Variants in TYW1B observed in about 807,000 individuals in gnomAD.
TYW1B encodes S-adenosyl-L-methionine-dependent tRNA 4-demethylwyosine synthase TYW1B.
TYW1B carries 73 observed loss-of-function variants against 86.9 expected under a neutral mutation model. The ratio of observed to expected loss-of-function variants is 0.84; its 90% CI spans 0.70 to 1.02. The LOEUF (loss-of-function observed/expected upper bound fraction) is 1.02. TYW1B is among the 50% of genes least tolerant of loss of function. The pLI, the probability that TYW1B is intolerant of heterozygous loss-of-function variation, is 0.00. For missense variants in TYW1B, 637 were observed against 827.4 expected, an observed-to-expected ratio of 0.77 and a Z score of 2.82; for synonymous variants, 248 against 292.8, an observed-to-expected ratio of 0.85 and a Z score of 1.56.
intron 6 of TYW1B, 66 bp from the exon 7 acceptor site, chr7:72,777,599 T>C (rs561636091): frequency 7.0e-6 from 11 of 1,578,392 alleles, no homozygotes; most frequent in Middle Eastern, 1.7e-4. Context: ...AGCACAATCA[T>C]GAACACCTAG....
intron 5 of TYW1B, among the ~76,000 whole-genome samples, chr7:72,805,057 A>C (rs1188877358): frequency 6.6e-6 from 1 of 151,936 alleles, no homozygotes; most frequent in Admixed American, 6.6e-5. Flanking sequence ...TATCTTGAAC[A>C]CTGCATATAC....
chr7:72,639,197 T>C (rs1463876457), intron 11 of TYW1B, among the ~76,000 whole-genome samples: 10 of 151,982 alleles, frequency 6.6e-5, no homozygotes, highest in Non-Finnish European at 1.5e-5. Context: ...TTAAAATGCA[T>C]TGTTAATTGT....
chr7:72,713,798 C>A lies in TYW1B; in HGVS notation c.1193G>T (p.Gly398Val), dbSNP rs146095374. 75,913 of 1,573,552 alleles carry A rather than the reference C, an allele frequency of 0.048. 4,510 individuals are homozygous for A. Among genetic ancestry groups the A allele is most frequent in the East Asian group, 0.33 (14,389 of 44,092 alleles). Residue 398 changes from glycine (G) to valine (V), a missense_variant and splice_region_variant, in exon 10 of 14, where the codon GGA (glycine) becomes GTA (valine). Physicochemically the swap from Gly to Val is moderately radical, Grantham distance 109. Transcript: ENST00000620995. ...NHQNMIKQFK[G>V]VPGVKAERFE... ...GCGTTCTGCTTTGACGCCCGGTACT[C>A]CTGGAGAATACAGTGAGAAGGACCC... is the stretch of plus-strand genomic sequence containing the variant.
At chr7:72,767,793 G>A (rs759116556) in intron 7 of TYW1B, among the ~76,000 whole-genome samples, 9 of 152,024 alleles carry the variant, frequency 5.9e-5, no homozygotes, top group Non-Finnish European at 8.8e-5. Context: ...CTTCTAGAGA[G>A]CCCCTCTCTG....
chr7:72,666,245 C>A (rs1813458213), intron 11 of TYW1B, among the ~76,000 whole-genome samples: 1 of 151,826 alleles, frequency 6.6e-6, no homozygotes, highest in South Asian at 2.1e-4. Context: ...AAAACTCTGT[C>A]TCTAAAAAAA....
intron 10 of TYW1B, among the ~76,000 whole-genome samples, chr7:72,699,554 G>C (rs1311621896): frequency 6.6e-6 from 1 of 152,080 alleles, no homozygotes; most frequent in Non-Finnish European, 1.5e-5. Flanking sequence ...AATCCAAAAA[G>C]CTCTAATAAC....
At chr7:72,669,806 C>T (rs1300670705) in intron 11 of TYW1B, among the ~76,000 whole-genome samples, 2 of 151,556 alleles carry the variant, frequency 1.3e-5, no homozygotes, top group Non-Finnish European at 2.9e-5. Context: ...ACAATAATAA[C>T]AGCACTGGCT....
chr7:72,616,294 C>T (rs1446604086), intron 13 of TYW1B, among the ~76,000 whole-genome samples: 21 of 152,174 alleles, frequency 1.4e-4, no homozygotes, highest in African/African-American at 4.8e-4. Context: ...TTGATAGATA[C>T]CTCAATATTG....
At chr7:72,817,730 A>C (rs1448970425) in intron 2 of TYW1B, among the ~76,000 whole-genome samples, 1 of 152,168 alleles carries the variant, frequency 6.6e-6, no homozygotes, top group African/African-American at 2.4e-5. Flanking sequence ...GGCAGGCTTG[A>C]GCAAGTGGCT....
intron 12 of TYW1B, among the ~76,000 whole-genome samples, chr7:72,617,173 T>C (rs1329018947): frequency 6.6e-6 from 1 of 152,218 alleles, no homozygotes; most frequent in Non-Finnish European, 1.5e-5. Context: ...CTGTGCACTA[T>C]AATTGAGGAA....
rs145637689 is a variant in TYW1B at position 72,679,957 on chromosome 7, G to A, written c.1506+14730C>T. On this transcript the variant is annotated intron_variant, in intron 11 of 13. Coordinates refer to ENST00000620995, the MANE Select transcript of TYW1B (RefSeq NM_001145440.3). The stretch of plus-strand genomic sequence containing the variant: ...CCAACCTGAGCAACACAGTGAGACC[G>A]TATCTCTACAAAATGCAAAAATTAG... 1.5e-4 allele frequency among the ~76,000 whole-genome samples: 23 copies of A among 152,252 alleles called. No individual in the cohort carries two copies. In the East Asian group the frequency reaches 3.1e-3, roughly 21 times the overall value.
intron 7 of TYW1B, among the ~76,000 whole-genome samples, chr7:72,763,277 CTTTTCTT>C (rs1224246059): frequency 2.3e-4 from 26 of 111,638 alleles, no homozygotes; most frequent in Admixed American, 2.7e-4. Flanking sequence ...TTTTTCTTTT[CTTTTCTT>C]TTTTTTTTTT....
chr7:72,802,894 T>C (rs1788427871), intron 5 of TYW1B, among the ~76,000 whole-genome samples: 2 of 152,254 alleles, frequency 1.3e-5, no homozygotes, highest in Middle Eastern at 3.4e-3. Flanking sequence ...GTGCTGAGAT[T>C]ACAGGCGTCA....
At chr7:72,612,022 C>CTCTCT (rs1281083026) in intron 13 of TYW1B, among the ~76,000 whole-genome samples, 3 of 152,068 alleles carry the variant, frequency 2.0e-5, no homozygotes, top group African/African-American at 7.2e-5. Flanking sequence ...TCCTCCCTCC[C>CTCTCT]TCTCTTCTCT....
intron 12 of TYW1B, among the ~76,000 whole-genome samples, chr7:72,618,468 C>G (rs1347525065): frequency 6.6e-6 from 1 of 152,078 alleles, no homozygotes; most frequent in Admixed American, 6.6e-5. Context: ...CTGCCCATCT[C>G]GGCCTCCCAT....
intron 7 of TYW1B, among the ~76,000 whole-genome samples, chr7:72,759,249 C>T (rs1203925897): frequency 6.6e-6 from 1 of 152,082 alleles, no homozygotes; most frequent in Non-Finnish European, 1.5e-5. Flanking sequence ...GTGTGAAGAT[C>T]GCTTGAGCCC....
chr7:72,682,137 C>T (rs1554448566), intron 11 of TYW1B, among the ~76,000 whole-genome samples: 1 of 151,892 alleles, frequency 6.6e-6, no homozygotes, highest in East Asian at 1.9e-4. Flanking sequence ...CTCAGCCTCC[C>T]AAAGTGCTGG....
intron 13 of TYW1B, among the ~76,000 whole-genome samples, chr7:72,586,044 A>G (rs782668873): frequency 6.6e-6 from 1 of 152,162 alleles, no homozygotes; most frequent in Non-Finnish European, 1.5e-5. Context: ...CAGATTTAAC[A>G]GTTCACTAGA....
At chr7:72,648,813 CAAG>C (rs1259012960) in intron 11 of TYW1B, among the ~76,000 whole-genome samples, 15 of 151,972 alleles carry the variant, frequency 9.9e-5, no homozygotes, top group Non-Finnish European at 2.2e-4. Context: ...GGTGAAACCA[CAAG>C]AAGAGATGAG....
Sources: allele counts gnomAD v4.1 joint callset (sites outside exome capture counted in the v4.1 genomes callset), GRCh38; gene constraint gnomAD v4.1.1; transcripts MANE v1.5; gene names NCBI Gene and HGNC (gene_info 2026-07-23, HGNC 2026-07-21).